The following TTN variants were observed in gnomAD, a reference collection of about 807,000 sequenced individuals.
TTN encodes connectin.
In TTN, 1,525 loss-of-function variants were observed where a neutral mutation model predicts 3,223.0. That is an observed-to-expected ratio of 0.47 (90% CI 0.45 to 0.49). The LOEUF (loss-of-function observed/expected upper bound fraction) is 0.49, where lower values mean the gene tolerates loss of function less well. TTN is among the 20% of genes least tolerant of loss of function. The pLI, the probability that TTN is intolerant of heterozygous loss-of-function variation, is 0.00. For synonymous variants in TTN, 14,094 were observed against 15,161.0 expected (o/e 0.93, Z 5.17); for missense variants, 40,786 against 43,424.0 (o/e 0.94, Z 5.40).
rs1374641956 is a variant in TTN, at chr2:178,601,681, G to A, written c.55409C>T (p.Ala18470Val). ...TAKNKAGQKT[A>V]NCRVKVMDVP... Reference sequence around the variant, plus strand: ...ACCCATGACTTTAACTCTGCAATTTGCAGTCTTTTGTCCTGCTTTATTCTT... The same window carrying A: ...ACCCATGACTTTAACTCTGCAATTTACAGTCTTTTGTCCTGCTTTATTCTT... The change falls in exon 286 of 363, where the codon GCA becomes GTA. Residue 18470 changes from alanine to valine, a missense_variant. By Grantham distance (64) the Ala-to-Val change is moderately conservative (BLOSUM62 0). Coordinates refer to ENST00000589042, the MANE Select transcript of TTN (RefSeq NM_001267550.2). The A allele has an allele frequency of 1.1e-5, 17 of 1,602,028 alleles. No individual in the cohort carries two copies. In the East Asian group the frequency reaches 3.8e-4, roughly 36 times the overall value.
chr2:178,684,321 C>A lies in TTN; in HGVS notation c.32722+9G>T, dbSNP rs148231130. The A allele has an allele frequency of 1.9e-6, 3 of 1,612,574 alleles. No homozygotes were observed. The highest frequency in any genetic ancestry group is 2.7e-5 in the African/African-American group (2 of 74,902). On this transcript the variant is annotated intron_variant, in intron 132 of 362. Transcript: ENST00000589042. Reference sequence around the variant, plus strand: ...TACAATATTGTGCATAATGGAAGGGCGGATGTACCTCTTGCTTTTGGAGGC... The same window carrying A: ...TACAATATTGTGCATAATGGAAGGGAGGATGTACCTCTTGCTTTTGGAGGC...
chr2:178,746,118 C>A, intron 47 of TTN: 2 of 1,613,380 alleles, frequency 1.2e-6, no homozygotes, highest in Non-Finnish European at 1.7e-6. Context: ...TCGCTAATCA[C>A]GTATTTAATA....
Position 178,593,362 on chromosome 2 carries a change from C to T in TTN, c.58846G>A (p.Glu19616Lys). 3 of 1,613,286 alleles carry T rather than the reference C, an allele frequency of 1.9e-6. No individual in the cohort carries two copies. Among genetic ancestry groups the T allele is most frequent in the Non-Finnish European group, 2.5e-6 (3 of 1,179,562 alleles). The change falls in exon 299 of 363, where the codon GAA becomes AAA. Residue 19616 changes from glutamate to lysine, a missense_variant. Glu to Lys is a moderately conservative substitution (Grantham distance 56). Transcript: ENST00000589042. ...GGKPITNYIL[E>K]KRETMSKRWA... ...CGTTTAGACATAGTTTCTCTCTTTT[C>T]CAGGATGTAGTTTGTGATGGGTTTT...
intron 309 of TTN, 48 bp from the exon 310 acceptor site, chr2:178,585,016 T>C: frequency 1.2e-6 from 2 of 1,604,940 alleles, no homozygotes; most frequent in Non-Finnish European, 1.7e-6. Flanking sequence ...ATTTGATACG[T>C]AAAAATATTT....
In TTN at chr2:178,621,566, G is replaced by A. The variant is rs1576562991; in HGVS notation, c.45258C>T (p.Ile15086=). 6.2e-7 allele frequency: 1 copy of A among 1,612,442 alleles called. No homozygotes were observed. Among genetic ancestry groups the A allele is most frequent in the Non-Finnish European group, 8.5e-7 (1 of 1,179,082 alleles). The change falls in exon 245 of 363, where the codon ATC becomes ATT. Residue 15086 remains isoleucine, a synonymous_variant. Transcript: ENST00000589042. ...YEILTEGRKR[I]LVIQNAHLED... is the part of the protein sequence containing the mutation. Reference sequence around the variant, plus strand: ...CAAGGTGAGCGTTCTGAATGACCAGGATTCTCTTCCGTCCTTCAGTCAGTA... The same window carrying A: ...CAAGGTGAGCGTTCTGAATGACCAGAATTCTCTTCCGTCCTTCAGTCAGTA...
At position 178,551,877 on chromosome 2, in the gene TTN, C is replaced by A. The variant is rs1559200565; in HGVS notation, c.91023G>T (p.Met30341Ile). Residue 30341 changes from methionine (M) to isoleucine (I), a missense_variant, in exon 335 of 363, where the codon ATG (methionine) becomes ATT (isoleucine). Met to Ile is a conservative substitution (Grantham distance 10). Transcript: ENST00000589042. ...AAACTGGAGCATCCCAAGTTAGTGA[C>A]ATGCCATCAGAAGTCACATTGTATA... is the stretch of plus-strand genomic sequence containing the variant. ...PVIYNVTSDGMSLTWDAPVYD... is the reference protein window; with the variant it reads ...PVIYNVTSDGISLTWDAPVYD... 6.2e-7 allele frequency: 1 copy of A among 1,613,874 alleles called. No homozygotes were observed. Among genetic ancestry groups the A allele is most frequent in the African/African-American group, 1.3e-5 (1 of 75,048 alleles).
rs753368641 is a variant in TTN at position 178,600,835 on chromosome 2, T to C, written c.56050+19A>G. On this transcript the variant is annotated intron_variant, in intron 288 of 362. Transcript: ENST00000589042. ...GCAGCTGTAAGGAGGACATTCTTTG[T>C]CAGTACATTGGTACTTACATGTCTG... 6.2e-7 allele frequency: 1 copy of C among 1,612,630 alleles called. No individual in the cohort carries two copies. Among genetic ancestry groups the C allele is most frequent in the Non-Finnish European group, 8.5e-7 (1 of 1,179,038 alleles).
rs1479181903 is a variant in TTN at position 178,738,346 on chromosome 2, T to G, written c.14107A>C (p.Lys4703Gln). 1 of 1,612,166 alleles carries G rather than the reference T, an allele frequency of 6.2e-7. No homozygotes were observed. The highest frequency in any genetic ancestry group is 8.5e-7 in the Non-Finnish European group (1 of 1,178,642). ...TVVKRAAPVIKRKIEPLEVAL... is the reference protein window; with the variant it reads ...TVVKRAAPVIQRKIEPLEVAL... ...ACTTCCAGGGGTTCGATTTTCCTCT[T>G]GATCACTGGGGCAGCTGCAAAGGGA... The change falls in exon 49 of 363, where the codon AAG (lysine) becomes CAG (glutamine). Residue 4703 changes from lysine (K) to glutamine (Q), a missense_variant. By Grantham distance (53) the Lys-to-Gln change is moderately conservative. Coordinates refer to ENST00000589042, the MANE Select transcript of TTN (RefSeq NM_001267550.2).
At chr2:178,535,957 TTGA>T (rs1691305058) in intron 357 of TTN, 22 bp downstream of exon 357, 1 of 1,523,184 alleles carries the variant, frequency 6.6e-7, no homozygotes, top group Non-Finnish European at 8.8e-7. Context: ...TAGCCTCAAC[TTGA>T]TGATAATTTA....
Position 178,542,310 on chromosome 2 carries a change from A to G in TTN, c.97446T>C (p.Ile32482=). ...FRVAATNRFG[I]GSYLQSEVIE... ...TGACCTCAGACTGCAAGTAAGAGCC[A>G]ATCCCGAAGCGGTTTGTTGCAGCCA... The change falls in exon 349 of 363, where the codon ATT becomes ATC. Residue 32482 remains isoleucine, a synonymous_variant. Coordinates refer to ENST00000589042, the MANE Select transcript of TTN (RefSeq NM_001267550.2). 1 of 1,612,564 alleles carries G rather than the reference A, an allele frequency of 6.2e-7. No homozygotes were observed. Among genetic ancestry groups the G allele is most frequent in the Non-Finnish European group, 8.5e-7 (1 of 1,179,270 alleles).
rs373769365 is a variant in TTN, at chr2:178,684,765, G to A, written c.32555-16C>T. The stretch of plus-strand genomic sequence containing the variant: ...TCTTCTGGCACTTAAAAGATACCAG[G>A]CAATACCATCAAACATACGATATGG... On this transcript the variant is annotated splice_polypyrimidine_tract_variant and intron_variant, in intron 130 of 362. Transcript: ENST00000589042. The A allele has an allele frequency of 2.5e-6, 4 of 1,609,170 alleles. No individual in the cohort carries two copies. In the African/African-American group the frequency reaches 5.4e-5, roughly 22 times the overall value.
At position 178,777,882 on chromosome 2, in the gene TTN, AG is replaced by A; in HGVS notation, c.4301del (p.Pro1434LeufsTer28). On this transcript the variant is annotated frameshift_variant, in exon 25 of 363. Transcript: ENST00000589042. LOFTEE classifies it high-confidence loss of function. ...GCCTACGTCCAGGGGACATTCTTGC[AG>A]GGGACATCCGTGCAGGAGACATCCT... ...PARMSPARMS[P>X]ARMSPGRRLE... The A allele has an allele frequency of 1.2e-6, 2 of 1,614,036 alleles. No homozygotes were observed. Among genetic ancestry groups the A allele is most frequent in the Non-Finnish European group, 1.7e-6 (2 of 1,179,930 alleles).
Position 178,558,003 on chromosome 2 carries a change from G to T in TTN, c.87351C>A (p.Ile29117=), listed in dbSNP as rs752271681. 3.1e-6 allele frequency: 5 copies of T among 1,613,768 alleles called. No individual in the cohort carries two copies. Among genetic ancestry groups the T allele is most frequent in the Non-Finnish European group, 1.7e-6 (2 of 1,179,852 alleles). ...TTGTACCACTGGAGTTGGCAGCAGT[G>T]ATTTCATATCTCCCAGCGTCAGCTG... is the stretch of plus-strand genomic sequence containing the variant. ...SVTADAGRYE[I]TAANSSGTTK... The change falls in exon 328 of 363, where the codon ATC becomes ATA. Residue 29117 remains isoleucine, a synonymous_variant. Transcript: ENST00000589042.
Position 178,730,257 on chromosome 2 carries a change from T to C in TTN, c.18143A>G (p.Asp6048Gly), listed in dbSNP as rs1400771825. Residue 6048 changes from aspartate (D) to glycine (G), a missense_variant, in exon 62 of 363, where the codon GAT becomes GGT. By Grantham distance (94) the Asp-to-Gly change is moderately conservative (BLOSUM62 -1). Coordinates refer to ENST00000589042, the MANE Select transcript of TTN (RefSeq NM_001267550.2). ...TGCTCCTGAGTGTAACTCTTTGTTA[T>C]CTTTAAACCACTTTATTGTCATGGG... is the stretch of plus-strand genomic sequence containing the variant. ...TAPMTIKWFK[D>G]NKELHSGAAR... The C allele has an allele frequency of 1.2e-6, 2 of 1,613,314 alleles. No homozygotes were observed. The highest frequency in any genetic ancestry group is 4.5e-5 in the East Asian group (2 of 44,760).
Position 178,542,759 on chromosome 2 carries a change from G to A in TTN, c.97095C>T (p.Thr32365=), listed in dbSNP as rs765620114. Residue 32365 remains threonine (T), a synonymous_variant, in exon 348 of 363, where the codon ACC becomes ACT. Coordinates refer to ENST00000589042, the MANE Select transcript of TTN (RefSeq NM_001267550.2). ...VETHTKVAKL[T]IRETTIRDTG... ...TATCTCTGATAGTGGTTTCACGGAT[G>A]GTTAATTTAGCTACTTTAGTGTGAG... 3.1e-6 allele frequency: 5 copies of A among 1,613,742 alleles called. No homozygotes were observed. In the Admixed American group the frequency reaches 8.3e-5, roughly 27 times the overall value.
intron 46 of TTN, among the ~76,000 whole-genome samples, chr2:178,755,285 G>A (rs1192087827): frequency 1.4e-4 from 22 of 152,078 alleles, no homozygotes; most frequent in Non-Finnish European, 2.2e-4. Context: ...GCCCAATAAC[G>A]ACAAAAATTG....
chr2:178,639,633 CA>C, intron 223 of TTN, 65 bp downstream of exon 223: 1 of 1,498,804 alleles, frequency 6.7e-7, no homozygotes, highest in Non-Finnish European at 9.2e-7. Context: ...GAATTTTAAT[CA>C]AGTGTGAATA....
In TTN at chr2:178,689,048, C is replaced by T. The variant is rs869312090; in HGVS notation, c.32095+5G>A. The T allele has an allele frequency of 2.1e-6, 3 of 1,436,250 alleles. No homozygotes were observed. The highest frequency in any genetic ancestry group is 2.9e-6 in the Non-Finnish European group (3 of 1,027,578). The allele number at this position is 1,436,250 out of a possible 1,614,324, so 89.0% of individuals were successfully genotyped here. On this transcript the variant is annotated splice_donor_5th_base_variant and intron_variant, in intron 125 of 362. Coordinates refer to ENST00000589042, the MANE Select transcript of TTN (RefSeq NM_001267550.2). ...TTTTTGTCAGAGGATTGAGGCAAATCCTACCTCGGGGAGGAGGAGCTTTCT... is the reference window on the plus strand; with the variant it reads ...TTTTTGTCAGAGGATTGAGGCAAATTCTACCTCGGGGAGGAGGAGCTTTCT...
intron 284 of TTN, 43 bp downstream of exon 284, chr2:178,601,959 T>C (rs763434461): frequency 2.5e-6 from 4 of 1,612,620 alleles, no homozygotes; most frequent in South Asian, 2.2e-5. Flanking sequence ...ATACTCCTTA[T>C]AGTGATTCAG....
Sources: allele counts gnomAD v4.1 joint callset (sites outside exome capture counted in the v4.1 genomes callset), GRCh38; gene constraint gnomAD v4.1.1; transcripts MANE v1.5; gene names NCBI Gene and HGNC (gene_info 2026-07-23, HGNC 2026-07-21).